The following OTUD7B variants were observed in gnomAD, a reference collection of about 807,000 sequenced individuals.
OTUD7B encodes OTU deubiquitinase 7B.
In OTUD7B, 34 loss-of-function variants were observed where a neutral mutation model predicts 82.2. That is an observed-to-expected ratio of 0.41 (90% CI 0.31 to 0.55). The LOEUF (loss-of-function observed/expected upper bound fraction) is 0.55, where lower values mean the gene tolerates loss of function less well. Ranked by LOEUF, OTUD7B falls within the 20% of genes least tolerant of loss-of-function variation. The probability of loss-of-function intolerance (pLI) is 0.20; values close to 1 mark genes in which losing one functional copy is unlikely to be tolerated. For missense variants in OTUD7B, 944 were observed against 1,062.1 expected (o/e 0.89, Z 1.55); for synonymous variants, 398 against 402.7 (o/e 0.99, Z 0.14).
chr1:150,031,437 A>G, the OTUD7B span, among the ~76,000 whole-genome samples: 1 of 152,232 alleles, frequency 6.6e-6, no homozygotes, highest in African/African-American at 2.4e-5. Context: ...CAGACAAACT[A>G]ATTTTCATTA....
At chr1:150,014,321 G>T (rs587760127), upstream of OTUD7B, among the ~76,000 whole-genome samples, 1 of 147,560 alleles carries the variant, frequency 6.8e-6, no homozygotes, top group East Asian at 2.0e-4. Context: ...GATCACTTGA[G>T]TCTGGGAGAT....
rs587740455 is a variant in OTUD7B at position 149,967,414 on chromosome 1, G to A, written c.382C>T (p.Leu128=). The change falls in exon 4 of 12, where the codon CTG becomes TTG. Residue 128 remains leucine (L), a synonymous_variant. Transcript: ENST00000581312. The stretch of plus-strand genomic sequence containing the variant: ...TGGAAGGCACAGATGGGCATTTCCA[G>A]GGGGTGCTCATTGCTCCCCCCACCC... ...GGGGGSNEHP[L]EMPICAFQLP... 1.2e-6 allele frequency: 2 copies of A among 1,614,132 alleles called. No homozygotes were observed. The highest frequency in any genetic ancestry group is 3.3e-5 in the Admixed American group (2 of 60,022).
chr1:149,972,921 C>T (rs1280753138), intron 2 of OTUD7B, among the ~76,000 whole-genome samples: 2 of 152,194 alleles, frequency 1.3e-5, no homozygotes, highest in African/African-American at 2.4e-5. Flanking sequence ...TGCTTCTCCT[C>T]TTCCTATGTT....
At position 149,971,128 on chromosome 1, in the gene OTUD7B, A is replaced by T; in HGVS notation, c.209T>A (p.Phe70Tyr). ...AGGGCGAGTAGGCTCTCTGTCAGAA[A>T]ACCCTTTTTCAGGGGTCCTGGAGCC... Reference protein sequence around the residue: ...SGGSRTPEKGFSDREPTRPPR... With the variant: ...SGGSRTPEKGYSDREPTRPPR... The change falls in exon 3 of 12, where the codon TTT (phenylalanine) becomes TAT (tyrosine). Residue 70 changes from phenylalanine (F) to tyrosine (Y), a missense_variant. Physicochemically the swap from Phe to Tyr is conservative, Grantham distance 22. Around this residue, in one of 3 missense-constraint regions of OTUD7B, gnomAD observed 530 missense variants for 625.6 expected, o/e 0.85. Transcript: ENST00000581312. The T allele has an allele frequency of 6.2e-7, 1 of 1,613,414 alleles. No individual in the cohort carries two copies. The highest frequency in any genetic ancestry group is 1.7e-5 in the Admixed American group (1 of 59,984).
intron 11 of OTUD7B, among the ~76,000 whole-genome samples, chr1:149,946,570 C>G (rs1343266399): frequency 6.7e-6 from 1 of 148,820 alleles, no homozygotes; most frequent in Non-Finnish European, 1.5e-5. Flanking sequence ...GGTGAAACTC[C>G]GTCTCTACTA....
At chr1:150,020,141 C>A in the OTUD7B span, among the ~76,000 whole-genome samples, 1 of 151,888 alleles carries the variant, frequency 6.6e-6, no homozygotes, top group Non-Finnish European at 1.5e-5. Flanking sequence ...AACAAAACAA[C>A]ACAATCAACC....
chr1:149,974,589 A>T (rs1650174982), intron 2 of OTUD7B, among the ~76,000 whole-genome samples: 1 of 115,242 alleles, frequency 8.7e-6, no homozygotes, highest in African/African-American at 3.5e-5. Flanking sequence ...TCACTCTGTC[A>T]CCCTGGCTGG....
At chr1:150,036,199 C>A in the OTUD7B span, among the ~76,000 whole-genome samples, 1 of 151,628 alleles carries the variant, frequency 6.6e-6, no homozygotes. Flanking sequence ...AGCAATCCTC[C>A]CACCTGGGCA....
intron 1 of OTUD7B, among the ~76,000 whole-genome samples, chr1:149,978,169 T>A (rs1327171846): frequency 6.6e-6 from 1 of 152,156 alleles, no homozygotes; most frequent in Non-Finnish European, 1.5e-5. Flanking sequence ...TGACTAGTGT[T>A]TTGATGCTAG....
the OTUD7B span, chr1:150,054,586 T>C: frequency 2.5e-6 from 1 of 401,900 alleles, no homozygotes; most frequent in Non-Finnish European, 4.9e-6. Flanking sequence ...AGCAGGCAAA[T>C]CACTTGAGGT....
chr1:150,049,531 C>T, the OTUD7B span, among the ~76,000 whole-genome samples: 2 of 151,766 alleles, frequency 1.3e-5, no homozygotes, highest in Non-Finnish European at 2.9e-5. Flanking sequence ...GCATGGATTC[C>T]GGTGTTCACA....
Position 149,941,769 on chromosome 1 carries a change from A to T in OTUD7B, c.*2088T>A, listed in dbSNP as rs925843910. 3.9e-5 allele frequency: 6 copies of T among 152,080 alleles called. No homozygotes were observed. The highest frequency in any genetic ancestry group is 5.9e-5 in the Non-Finnish European group (4 of 68,006). The allele number at this position is 152,080 out of a possible 1,614,324, so 9.4% of individuals were successfully genotyped here. A position where few individuals can be genotyped will look rare whatever the true frequency, so the allele number is the denominator to read the frequency against. ...TATCCAACATAAATTTTTTGCATTA[A>T]TTTTTTTAAATACTGCATTTTTTAT... On this transcript the variant is annotated 3_prime_UTR_variant, in exon 12 of 12. Transcript: ENST00000581312.
the OTUD7B span, among the ~76,000 whole-genome samples, chr1:150,018,023 G>A: frequency 7.6e-3 from 1,162 of 152,202 alleles, 16 homozygotes; most frequent in African/African-American, 0.027. Context: ...GTCTATGGAC[G>A]AGCCTGCAAA....
the OTUD7B span, among the ~76,000 whole-genome samples, chr1:150,064,256 A>C: frequency 6.6e-6 from 1 of 152,206 alleles, no homozygotes; most frequent in South Asian, 2.1e-4. Flanking sequence ...ATTACCATTT[A>C]TCTGATGAAG....
chr1:150,006,769 G>A (rs1553786219), intron 1 of OTUD7B, among the ~76,000 whole-genome samples: 1 of 152,204 alleles, frequency 6.6e-6, no homozygotes, highest in African/African-American at 2.4e-5. Context: ...TGCACTACGA[G>A]ACAGGAACAA....
intron 4 of OTUD7B, among the ~76,000 whole-genome samples, chr1:149,967,034 T>TGTATTGATTTCGAG (rs1649561537): frequency 1.3e-5 from 2 of 152,232 alleles, no homozygotes; most frequent in Non-Finnish European, 2.9e-5. Flanking sequence ...ATTTTTTTCA[T>TGTATTGATTTCGAG]GTATTGATTT....
the OTUD7B span, among the ~76,000 whole-genome samples, chr1:150,038,409 C>T: frequency 6.6e-6 from 1 of 150,918 alleles, no homozygotes. Context: ...TTTTTTGAGG[C>T]AGGGTCTCAC....
chr1:150,016,452 C>CTTTTTTT, the OTUD7B span, among the ~76,000 whole-genome samples: 1 of 106,608 alleles, frequency 9.4e-6, no homozygotes, highest in African/African-American at 3.5e-5. Flanking sequence ...TTTTCTTTTT[C>CTTTTTTT]TTTTTTTTTT....
chr1:150,013,985 C>A (rs1653186202), upstream of OTUD7B, among the ~76,000 whole-genome samples: 1 of 131,322 alleles, frequency 7.6e-6, no homozygotes, highest in South Asian at 2.4e-4. Context: ...TATATATACA[C>A]ACACATATAT....
Sources: allele counts gnomAD v4.1 joint callset (sites outside exome capture counted in the v4.1 genomes callset), GRCh38; gene constraint gnomAD v4.1.1; regional missense constraint gnomAD v4.1.1; transcripts MANE v1.5; gene names NCBI Gene and HGNC (gene_info 2026-07-23, HGNC 2026-07-21).